Variants in MYH16 observed in about 807,000 individuals in gnomAD.
The protein encoded by MYH16 is putative uncharacterized protein MYH16.
At chr7:99,250,473 G>T (rs1791796723) in intron 5 of MYH16, among the ~76,000 whole-genome samples, 1 of 152,216 alleles carries the variant, frequency 6.6e-6, no homozygotes. Flanking sequence ...AGGCGCAGTG[G>T]CTCATGCCTA....
intron 1 of MYH16, among the ~76,000 whole-genome samples, chr7:99,239,781 A>C (rs565289154): frequency 4.7e-4 from 72 of 152,292 alleles, no homozygotes; most frequent in African/African-American, 1.7e-3. Flanking sequence ...ATATGCTGTA[A>C]ATCAGGGACA....
intron 33 of MYH16, 36 bp from the exon 15 acceptor site, chr7:99,296,665 G>T (rs1362142843): frequency 2.2e-6 from 1 of 454,216 alleles, no homozygotes; most frequent in Non-Finnish European, 4.4e-6. Flanking sequence ...AGGCAAGGAG[G>T]TTGGACCCCT....
chr7:99,298,767 CTTT>C (rs112315311), intron 36 of MYH16, among the ~76,000 whole-genome samples: 1 of 143,716 alleles, frequency 7.0e-6, no homozygotes, highest in Middle Eastern at 3.4e-3. Flanking sequence ...TGTCTTGTCG[CTTT>C]TTTTTTTTAA....
At chr7:99,249,757 A>G (rs1427377929) in intron 4 of MYH16, among the ~76,000 whole-genome samples, 1 of 151,684 alleles carries the variant, frequency 6.6e-6, no homozygotes, top group Non-Finnish European at 1.5e-5. Context: ...GGGCTTCACC[A>G]TGTTGGCCAG....
intron 32 of MYH16, 116 bp from the exon 14 acceptor site, chr7:99,293,902 C>G: frequency 3.0e-6 from 1 of 333,414 alleles, no homozygotes; most frequent in East Asian, 8.7e-5. Flanking sequence ...GCATCGTTTC[C>G]AATGTTGACA....
intron 13 of MYH16, among the ~76,000 whole-genome samples, chr7:99,262,251 A>G (rs1791945753): frequency 6.6e-6 from 1 of 152,190 alleles, no homozygotes; most frequent in South Asian, 2.1e-4. Flanking sequence ...CCTGTTACCA[A>G]TGGAGGTTGC....
intron 2 of MYH16, among the ~76,000 whole-genome samples, chr7:99,244,739 C>T (rs763892879): frequency 5.9e-5 from 9 of 152,180 alleles, no homozygotes; most frequent in Admixed American, 2.6e-4. Flanking sequence ...CATCCTTGAA[C>T]CCCAGGTCTA....
intron 29 of MYH16, 137 bp downstream of exon 10, chr7:99,288,274 T>G (rs1792314166): frequency 2.7e-6 from 1 of 372,248 alleles, no homozygotes; most frequent in Non-Finnish European, 5.4e-6. Flanking sequence ...AGACCTCGTC[T>G]CCTCAAAAAA....
chr7:99,289,574 T>A (rs901546711), intron 30 of MYH16, among the ~76,000 whole-genome samples, 170 bp downstream of exon 11: 1 of 152,180 alleles, frequency 6.6e-6, no homozygotes, highest in African/African-American at 2.4e-5. Flanking sequence ...ATCTTTACAA[T>A]GCAAAACAGG....
chr7:99,241,309 A>G (rs1181043334), intron 1 of MYH16, among the ~76,000 whole-genome samples: 1 of 152,196 alleles, frequency 6.6e-6, no homozygotes, highest in Non-Finnish European at 1.5e-5. Flanking sequence ...GAGGCCAGGC[A>G]TGGTGGGTCA....
intron 1 of MYH16, among the ~76,000 whole-genome samples, chr7:99,242,835 C>T (rs1791681156): frequency 6.6e-6 from 1 of 152,096 alleles, no homozygotes; most frequent in Admixed American, 6.6e-5. Flanking sequence ...ATTTCGAAAT[C>T]ACCGCTAACT....
intron 18 of MYH16, among the ~76,000 whole-genome samples, chr7:99,268,084 A>G (rs555056947): frequency 3.7e-4 from 57 of 152,214 alleles, no homozygotes; most frequent in Non-Finnish European, 5.7e-4. Flanking sequence ...CACAGTGAAG[A>G]GAACAGAATG....
At chr7:99,277,056 AC>A (rs1406827102) in intron 20 of MYH16, among the ~76,000 whole-genome samples, 1,393 of 121,916 alleles carry the variant, frequency 0.011, 20 homozygotes, top group African/African-American at 0.068. Flanking sequence ...AGAGAGAGAG[AC>A]ACAGAGAGAG....
intron 18 of MYH16, among the ~76,000 whole-genome samples, chr7:99,269,988 C>T (rs887426591): frequency 1.3e-5 from 2 of 151,580 alleles, no homozygotes; most frequent in Non-Finnish European, 2.9e-5. Context: ...ATTCTCCTGC[C>T]TCAGCCTCCC....
At chr7:99,299,085 AT>A (rs1435203570) in intron 36 of MYH16, among the ~76,000 whole-genome samples, 4 of 126,084 alleles carry the variant, frequency 3.2e-5, no homozygotes, top group African/African-American at 2.1e-4. Context: ...AAAAATAAAA[AT>A]AAAAAAAAAA....
At chr7:99,256,390 G>C (rs1035886320) in intron 9 of MYH16, among the ~76,000 whole-genome samples, 2 of 151,750 alleles carry the variant, frequency 1.3e-5, no homozygotes, top group African/African-American at 4.8e-5. Context: ...GATCACTTGA[G>C]CCCAGGAGTT....
intron 20 of MYH16, among the ~76,000 whole-genome samples, chr7:99,276,646 G>A (rs1792115481): frequency 6.6e-6 from 1 of 152,258 alleles, no homozygotes; most frequent in African/African-American, 2.4e-5. Flanking sequence ...AGACACAGGT[G>A]CAGGGGCACT....
chr7:99,240,495 G>A (rs1791654762), intron 1 of MYH16, among the ~76,000 whole-genome samples: 1 of 152,164 alleles, frequency 6.6e-6, no homozygotes, highest in Admixed American at 6.6e-5. Flanking sequence ...ACAGAGCAAT[G>A]TGTGTTCAGC....
intron 20 of MYH16, among the ~76,000 whole-genome samples, chr7:99,277,058 ACAGAGAGAGAGAGAG>A (rs1399268069): frequency 0.011 from 1,396 of 121,972 alleles, 20 homozygotes; most frequent in African/African-American, 0.068. Context: ...AGAGAGAGAC[ACAGAGAGAGAGAGAG>A]AAACAGTGGG....
Sources: allele counts gnomAD v4.1 joint callset (sites outside exome capture counted in the v4.1 genomes callset), GRCh38; gene constraint gnomAD v4.1.1; transcripts MANE v1.5; gene names NCBI Gene and HGNC (gene_info 2026-07-23, HGNC 2026-07-21).